The following PCDH15 variants were observed in gnomAD, a reference collection of about 807,000 sequenced individuals.
PCDH15 encodes the protein protocadherin related 15, also known as protocadherin-15.
PCDH15 carries 129 observed loss-of-function variants against 178.5 expected under a neutral mutation model. That is an observed-to-expected ratio of 0.72 (90% CI 0.63 to 0.84). PCDH15 has a LOEUF of 0.84. Among genes scored for constraint, PCDH15 ranks in the 40% least tolerant of loss-of-function variants. The pLI, the probability that PCDH15 is intolerant of heterozygous loss-of-function variation, is 0.00. For missense variants in PCDH15, 2,230 were observed against 2,099.9 expected, an observed-to-expected ratio of 1.06 and a Z score of -1.21; for synonymous variants, 800 against 732.0, an observed-to-expected ratio of 1.09 and a Z score of -1.50.
chr10:54,610,067 A>G (rs1278094528), intron 2 of PCDH15, among the ~76,000 whole-genome samples: 1 of 151,976 alleles, frequency 6.6e-6, no homozygotes, highest in Non-Finnish European at 1.5e-5. Context: ...CTTTAGGTTC[A>G]TCCTATTCTG....
chr10:54,677,479 G>A (rs570361239), intron 1 of PCDH15, among the ~76,000 whole-genome samples: 2 of 152,244 alleles, frequency 1.3e-5, no homozygotes, highest in African/African-American at 4.8e-5. Flanking sequence ...GCATGGCAGT[G>A]TGTGTGTGCG....
At chr10:53,999,840 G>A (rs202045565) in intron 20 of PCDH15, among the ~76,000 whole-genome samples, 1 of 152,172 alleles carries the variant, frequency 6.6e-6, no homozygotes, top group East Asian at 1.9e-4. Flanking sequence ...AGAGACCCAT[G>A]GCCTTGAACA....
At chr10:54,438,201 G>A (rs1258939774) in intron 3 of PCDH15, among the ~76,000 whole-genome samples, 3 of 151,232 alleles carry the variant, frequency 2.0e-5, no homozygotes, top group Non-Finnish European at 4.4e-5. Flanking sequence ...TTTGTCTATG[G>A]CTCCATTAGG....
At chr10:54,976,903 G>C (rs1033456579) in intron 2 of PCDH15, among the ~76,000 whole-genome samples, 2 of 152,136 alleles carry the variant, frequency 1.3e-5, no homozygotes, top group African/African-American at 4.8e-5. Context: ...CCCTTAGTTA[G>C]TTTGGTCTAC....
rs369112649 is a variant in PCDH15, at chr10:53,812,146, C to G, written c.4492-527G>C. 3.3e-5 allele frequency among the ~76,000 whole-genome samples: 5 copies of G among 152,218 alleles called. No homozygotes were observed. In the East Asian group the frequency reaches 9.7e-4, roughly 29 times the overall value. On this transcript the variant is annotated intron_variant, in intron 35 of 37. Transcript: ENST00000644397. ...CAAGAATTTAAGTTAATGTGTAATG[C>G]TTCCCAAGGATGTTTATACTTTAAA...
At chr10:54,399,153 CA>C (rs1481909766) in intron 3 of PCDH15, among the ~76,000 whole-genome samples, 1 of 151,992 alleles carries the variant, frequency 6.6e-6, no homozygotes, top group East Asian at 1.9e-4. Flanking sequence ...ATACATGTAA[CA>C]GAACATTTAA....
intron 3 of PCDH15, among the ~76,000 whole-genome samples, chr10:54,518,734 C>T (rs1248000151): frequency 6.6e-6 from 1 of 152,114 alleles, no homozygotes; most frequent in African/African-American, 2.4e-5. Flanking sequence ...ATCCTGATAC[C>T]AAAGCCTGGC....
At chr10:54,039,603 T>C (rs1273983469) in intron 18 of PCDH15, among the ~76,000 whole-genome samples, 1 of 151,912 alleles carries the variant, frequency 6.6e-6, no homozygotes, top group Non-Finnish European at 1.5e-5. Context: ...AGAATTACAG[T>C]ATATAGTGTG....
At chr10:54,478,734 T>C (rs1302780905) in intron 3 of PCDH15, among the ~76,000 whole-genome samples, 1 of 152,102 alleles carries the variant, frequency 6.6e-6, no homozygotes, top group African/African-American at 2.4e-5. Flanking sequence ...AAATTGTCAT[T>C]GGTGGCCTCA....
intron 2 of PCDH15, among the ~76,000 whole-genome samples, chr10:54,998,930 C>A (rs547279049): frequency 2.6e-5 from 4 of 152,034 alleles, no homozygotes; most frequent in Non-Finnish European, 5.9e-5. Context: ...CTGTAGCCTC[C>A]GATGTAAACT....
intron 1 of PCDH15, among the ~76,000 whole-genome samples, chr10:55,300,636 T>TA (rs1843249639): frequency 6.6e-6 from 1 of 152,178 alleles, no homozygotes; most frequent in South Asian, 2.1e-4. Context: ...CGGGAATTCT[T>TA]AAAAAATTAA....
At chr10:54,431,256 A>C (rs1956939171) in intron 3 of PCDH15, among the ~76,000 whole-genome samples, 1 of 152,154 alleles carries the variant, frequency 6.6e-6, no homozygotes, top group East Asian at 1.9e-4. Context: ...AACTCATTCT[A>C]TGAGGCCAGT....
intron 2 of PCDH15, among the ~76,000 whole-genome samples, chr10:54,908,239 G>C (rs976099440): frequency 1.2e-4 from 19 of 152,188 alleles, no homozygotes; most frequent in African/African-American, 4.6e-4. Flanking sequence ...AGTGGGCATG[G>C]GGTTCAGTTA....
At chr10:54,318,905 T>C (rs1351740865) in intron 7 of PCDH15, among the ~76,000 whole-genome samples, 1 of 152,204 alleles carries the variant, frequency 6.6e-6, no homozygotes, top group Non-Finnish European at 1.5e-5. Context: ...ATTTCCTCTT[T>C]CTTGTTTCCC....
At chr10:54,496,295 A>T (rs1239410188) in intron 3 of PCDH15, among the ~76,000 whole-genome samples, 1 of 152,052 alleles carries the variant, frequency 6.6e-6, no homozygotes, top group Non-Finnish European at 1.5e-5. Context: ...CCTGGAGAGG[A>T]AGTCCTTTGG....
intron 28 of PCDH15, among the ~76,000 whole-genome samples, chr10:53,846,186 C>A (rs2077968231): frequency 6.6e-6 from 1 of 151,558 alleles, no homozygotes; most frequent in Non-Finnish European, 1.5e-5. Flanking sequence ...CGAGCATTCT[C>A]AAAACAGAGA....
At position 53,866,701 on chromosome 10, in the gene PCDH15, A is replaced by C. The variant is rs2079482964; in HGVS notation, c.3658T>G (p.Phe1220Val). The change falls in exon 27 of 38, where the codon TTT (phenylalanine) becomes GTT (valine). Residue 1220 changes from phenylalanine to valine, a missense_variant. Transcript: ENST00000644397. ...TAGTCGTCAGTTGCAATAACTTGAAACTTGAAGTAGGATCTCCTCATATTA... is the reference window on the plus strand; with the variant it reads ...TAGTCGTCAGTTGCAATAACTTGAACCTTGAAGTAGGATCTCCTCATATTA... ...FHNMRRSYFK[F>V]QVIATDDYGK... 1 of 1,613,620 alleles carries C rather than the reference A, an allele frequency of 6.2e-7. No individual in the cohort carries two copies. The highest frequency in any genetic ancestry group is 1.3e-5 in the African/African-American group (1 of 74,988).
chr10:54,697,674 G>GGGAGGGGA (rs2095251949), intron 1 of PCDH15, among the ~76,000 whole-genome samples: 1 of 123,290 alleles, frequency 8.1e-6, no homozygotes, highest in Admixed American at 8.3e-5. Context: ...AAGGGGGAAG[G>GGGAGGGGA]GGAAGGGAGG....
intron 8 of PCDH15, among the ~76,000 whole-genome samples, chr10:54,248,127 CCAT>C (rs2056165299): frequency 6.6e-6 from 1 of 151,412 alleles, no homozygotes; most frequent in Admixed American, 6.6e-5. Context: ...TTAATTGATA[CCAT>C]GTCTTACACA....
Sources: allele counts gnomAD v4.1 joint callset (sites outside exome capture counted in the v4.1 genomes callset), GRCh38; gene constraint gnomAD v4.1.1; transcripts MANE v1.5; gene names NCBI Gene and HGNC (gene_info 2026-07-23, HGNC 2026-07-21).